Variants in TFEB observed in about 807,000 individuals in gnomAD.
TFEB encodes T-cell transcription factor EB.
TFEB carries 12 observed loss-of-function variants against 48.0 expected under a neutral mutation model. The observed-to-expected ratio is 0.25, with a 90% confidence interval of 0.16 to 0.40. The LOEUF (loss-of-function observed/expected upper bound fraction) is 0.40, where lower values mean the gene tolerates loss of function less well. Ranked by LOEUF, TFEB falls within the 10% of genes least tolerant of loss-of-function variation. TFEB has a pLI of 1.00. For synonymous variants in TFEB, 244 were observed against 261.4 expected, an observed-to-expected ratio of 0.93 and a Z score of 0.64; for missense variants, 509 against 640.3, an observed-to-expected ratio of 0.79 and a Z score of 2.21.
At chr6:41,709,497 G>A (rs930960390) in intron 1 of TFEB, among the ~76,000 whole-genome samples, 4 of 152,116 alleles carry the variant, frequency 2.6e-5, no homozygotes, top group Admixed American at 2.6e-4. Flanking sequence ...AAATGGATGG[G>A]TGGATGCATG....
At chr6:41,702,323 G>C (rs964929744) in intron 1 of TFEB, among the ~76,000 whole-genome samples, 26 of 152,208 alleles carry the variant, frequency 1.7e-4, no homozygotes, top group Non-Finnish European at 3.4e-4. Flanking sequence ...GCCCGCCTGA[G>C]AGCCTGGGTC....
intron 7 of TFEB, chr6:41,686,503 CCTTT>C (rs1322906000): frequency 0.01 from 2,963 of 286,612 alleles, 105 homozygotes; most frequent in African/African-American, 0.065. Context: ...GCCCAGCCTA[CCTTT>C]CTTTTTTTTT....
At chr6:41,722,973 T>G (rs1771044996) in intron 1 of TFEB, among the ~76,000 whole-genome samples, 1 of 152,172 alleles carries the variant, frequency 6.6e-6, no homozygotes, top group African/African-American at 2.4e-5. Flanking sequence ...GCCAGCATCA[T>G]GAAACTGCAA....
chr6:41,695,151 T>G (rs114544047), intron 1 of TFEB, among the ~76,000 whole-genome samples: 3,520 of 152,320 alleles, frequency 0.023, 137 homozygotes, highest in African/African-American at 0.078. Context: ...TGTCTTCCTC[T>G]CTAAAACGCA....
intron 1 of TFEB, among the ~76,000 whole-genome samples, chr6:41,694,095 G>A (rs1343251948): frequency 6.6e-6 from 1 of 152,200 alleles, no homozygotes; most frequent in East Asian, 1.9e-4. Flanking sequence ...GGAGGGCTAG[G>A]GGAGAATGAT....
chr6:41,719,812 C>A (rs1340508135), intron 1 of TFEB, among the ~76,000 whole-genome samples: 1 of 152,156 alleles, frequency 6.6e-6, no homozygotes, highest in East Asian at 1.9e-4. Flanking sequence ...ACTCTAGTAT[C>A]CCGAATCCAG....
At chr6:41,710,283 A>T (rs59821259) in intron 1 of TFEB, among the ~76,000 whole-genome samples, 19,547 of 152,098 alleles carry the variant, frequency 0.13, 1,368 homozygotes, top group East Asian at 0.22. Context: ...ACCAGCTCCC[A>T]CCATGTGGTC....
chr6:41,707,111 G>A (rs1293059770), intron 1 of TFEB, among the ~76,000 whole-genome samples: 1 of 152,114 alleles, frequency 6.6e-6, no homozygotes. Context: ...GACTCAGGCA[G>A]CAGCTGCCTT....
Position 41,735,437 on chromosome 6 carries a change from G to A in TFEB, c.-110C>T. The A allele has an allele frequency of 2.0e-6, 2 of 985,146 alleles. No individual in the cohort carries two copies. Among genetic ancestry groups the A allele is most frequent in the Non-Finnish European group, 2.4e-6 (2 of 830,044 alleles). 61.0% of individuals were successfully genotyped at this position (985,146 alleles called of 1,614,324 possible). On this transcript the variant is annotated 5_prime_UTR_variant, in exon 1 of 9. Coordinates refer to ENST00000373033, the MANE Select transcript of TFEB (RefSeq NM_001271944.2). ...TTCGGGTGCCTGGCCCGCAAGCTGTGCCCGCCACCTGCTCCCGGCCTGCTC... is the reference window on the plus strand; with the variant it reads ...TTCGGGTGCCTGGCCCGCAAGCTGTACCCGCCACCTGCTCCCGGCCTGCTC...
chr6:41,686,218 C>T lies in TFEB; in HGVS notation c.823G>A (p.Gly275Ser). 1 of 1,614,204 alleles carries T rather than the reference C, an allele frequency of 6.2e-7. No individual in the cohort carries two copies. Among genetic ancestry groups the T allele is most frequent in the Non-Finnish European group, 8.5e-7 (1 of 1,180,038 alleles). Residue 275 changes from glycine to serine, a missense_variant, in exon 8 of 9, where the codon GGC (glycine) becomes AGC (serine). By Grantham distance (56) the Gly-to-Ser change is moderately conservative (BLOSUM62 0). Coordinates refer to ENST00000373033, the MANE Select transcript of TFEB (RefSeq NM_001271944.2). The part of the protein sequence containing the change: ...ANDLDVRWNK[G>S]TILKASVDYI... Reference sequence around the variant, plus strand: ...TCCACAGAGGCCTTGAGGATGGTGCCCTTGTTCCAGCGCACGTCCCTGCAG... The same window carrying T: ...TCCACAGAGGCCTTGAGGATGGTGCTCTTGTTCCAGCGCACGTCCCTGCAG...
intron 1 of TFEB, among the ~76,000 whole-genome samples, chr6:41,717,198 C>T (rs141804928): frequency 2.0e-4 from 30 of 152,230 alleles, no homozygotes; most frequent in African/African-American, 6.0e-4. Context: ...TCAGCTAGAC[C>T]GGCCCACTTC....
In TFEB at chr6:41,725,811, T is replaced by C. The variant is rs559080887; in HGVS notation, c.-23+9539A>G. 1.6e-4 allele frequency among the ~76,000 whole-genome samples: 25 copies of C among 152,338 alleles called. 1 individual carries two copies. In the South Asian group the frequency reaches 4.3e-3, roughly 27 times the overall value. On this transcript the variant is annotated intron_variant, in intron 1 of 8. Transcript: ENST00000373033. The stretch of plus-strand genomic sequence containing the variant: ...ATGCAATACACCAGGATGAGACATG[T>C]TACACACTCACCATCATGGCAGAAA...
chr6:41,713,399 C>T (rs1307719002), intron 1 of TFEB, among the ~76,000 whole-genome samples: 1 of 152,204 alleles, frequency 6.6e-6, no homozygotes, highest in Non-Finnish European at 1.5e-5. Flanking sequence ...GCATCCCAGC[C>T]CAGGCCTCAC....
rs1404480373 is a variant in TFEB at position 41,723,352 on chromosome 6, CACAT to C, written c.-23+11994_-23+11997del. 3 of 693,598 alleles carry C rather than the reference CACAT, an allele frequency of 4.3e-6. No homozygotes were observed. Among genetic ancestry groups the C allele is most frequent in the Non-Finnish European group, 6.7e-6 (3 of 448,684 alleles). The allele number at this position is 693,598 out of a possible 1,614,324, so 43.0% of individuals were successfully genotyped here. On this transcript the variant is annotated intron_variant, in intron 1 of 8. Transcript: ENST00000373033. This position sits in a 1 kb window ranked among gnomAD's most constrained non-coding sequence, Gnocchi z 6.0. The stretch of plus-strand genomic sequence containing the variant: ...CCTCCCCAAAGACACCACACGCATG[CACAT>C]ACACTCACACAGATGCACACAGGCT...
intron 8 of TFEB, 96 bp downstream of exon 8, chr6:41,685,994 G>A: frequency 2.7e-6 from 4 of 1,500,682 alleles, no homozygotes; most frequent in Non-Finnish European, 3.7e-6. Context: ...CATTATTCCT[G>A]TGTCTCCAAC....
chr6:41,690,620 G>A (rs766878320), intron 3 of TFEB, 43 bp downstream of exon 3: 34 of 1,482,186 alleles, frequency 2.3e-5, no homozygotes, highest in South Asian at 4.3e-5. Flanking sequence ...CAGTGGGCAC[G>A]AGCTCTGCAA....
intron 1 of TFEB, among the ~76,000 whole-genome samples, chr6:41,725,182 A>G (rs930767866): frequency 6.6e-6 from 1 of 152,160 alleles, no homozygotes; most frequent in Non-Finnish European, 1.5e-5. Flanking sequence ...CCTAGATCAG[A>G]GTTTCTCAAC....
intron 1 of TFEB, among the ~76,000 whole-genome samples, chr6:41,726,448 CT>C (rs918685164): frequency 2.4e-4 from 36 of 150,382 alleles, no homozygotes; most frequent in African/African-American, 5.6e-4. Flanking sequence ...TAGGGGTTCA[CT>C]TTTTTTTTTC....
intron 1 of TFEB, among the ~76,000 whole-genome samples, chr6:41,701,881 G>A (rs902984761): frequency 1.3e-5 from 2 of 150,182 alleles, no homozygotes; most frequent in Non-Finnish European, 3.0e-5. Flanking sequence ...GGAGGCAGAG[G>A]TTGTAATGAG....
Sources: gnomAD v4.1 joint callset for allele counts (sites outside exome capture counted in the v4.1 genomes callset) on GRCh38, gnomAD v4.1.1 for gene constraint, Gnocchi (gnomAD v3.1) non-coding constraint, MANE v1.5 for transcripts, NCBI Gene and HGNC (gene_info 2026-07-23, HGNC 2026-07-21) for gene names.